Variants in PGGT1B observed in about 807,000 individuals in gnomAD.
PGGT1B encodes the protein protein geranylgeranyltransferase type I subunit beta.
A neutral mutation model predicts 46.1 loss-of-function variants in PGGT1B; 30 were observed. The ratio of observed to expected loss-of-function variants is 0.65; its 90% CI spans 0.49 to 0.88. PGGT1B has a LOEUF of 0.88. PGGT1B is among the 40% of genes least tolerant of loss of function. The pLI, the probability that PGGT1B is intolerant of heterozygous loss-of-function variation, is 0.00. For missense variants in PGGT1B, 376 were observed against 455.9 expected (o/e 0.82, Z 1.60); for synonymous variants, 170 against 160.0 (o/e 1.06, Z -0.47).
At chr5:115,243,356 C>T (rs1051305889) in intron 2 of PGGT1B, among the ~76,000 whole-genome samples, 6 of 152,196 alleles carry the variant, frequency 3.9e-5, no homozygotes, top group East Asian at 1.9e-4. Flanking sequence ...GAAAGAAACG[C>T]TATATTCCTA....
chr5:115,259,860 C>T (rs1748481086), intron 1 of PGGT1B, among the ~76,000 whole-genome samples: 1 of 152,024 alleles, frequency 6.6e-6, no homozygotes, highest in African/African-American at 2.4e-5. Context: ...AGCTAACTGC[C>T]TAAACCCTTC....
intron 6 of PGGT1B, among the ~76,000 whole-genome samples, chr5:115,226,823 G>T (rs1014551733): frequency 3.9e-5 from 6 of 151,966 alleles, no homozygotes; most frequent in Non-Finnish European, 7.4e-5. Context: ...GGGAAATTTT[G>T]CTCAGAACTA....
intron 1 of PGGT1B, among the ~76,000 whole-genome samples, chr5:115,257,500 AGCCTG>A (rs1163367267): frequency 2.8e-5 from 4 of 141,572 alleles, no homozygotes; most frequent in Non-Finnish European, 6.0e-5. Flanking sequence ...ATTGCACTCC[AGCCTG>A]GGCAACAATA....
chr5:115,217,764 A>C (rs1308276583), intron 7 of PGGT1B, among the ~76,000 whole-genome samples: 2 of 152,006 alleles, frequency 1.3e-5, no homozygotes, highest in Non-Finnish European at 2.9e-5. Context: ...TACAAACAGG[A>C]AACAAATTTA....
intron 2 of PGGT1B, among the ~76,000 whole-genome samples, chr5:115,245,455 T>A (rs762673710): frequency 1.2e-4 from 18 of 152,228 alleles, no homozygotes; most frequent in Admixed American, 2.6e-4. Context: ...TTCCTATCAA[T>A]GAGTTCTATA....
intron 2 of PGGT1B, among the ~76,000 whole-genome samples, chr5:115,251,216 G>A (rs1344171486): frequency 6.6e-6 from 1 of 152,106 alleles, no homozygotes; most frequent in Non-Finnish European, 1.5e-5. Context: ...TCCTTTAGCA[G>A]TGAATGAGAG....
intron 5 of PGGT1B, chr5:115,231,775 T>G (rs1756991705): frequency 6.6e-6 from 1 of 152,054 alleles, no homozygotes; most frequent in Admixed American, 6.6e-5. Flanking sequence ...TGCACAGTTC[T>G]CTTATGCACA....
chr5:115,243,844 T>C (rs986893173), intron 2 of PGGT1B, among the ~76,000 whole-genome samples: 5 of 152,150 alleles, frequency 3.3e-5, no homozygotes, highest in South Asian at 4.1e-4. Flanking sequence ...CTAGATCCTC[T>C]CTTGCCATTT....
At chr5:115,246,529 C>A (rs1747843139) in intron 2 of PGGT1B, among the ~76,000 whole-genome samples, 1 of 152,140 alleles carries the variant, frequency 6.6e-6, no homozygotes, top group Admixed American at 6.5e-5. Context: ...TCGCTGAATG[C>A]ATACTCTGGG....
At chr5:115,235,596 G>A (rs972995819) in intron 5 of PGGT1B, among the ~76,000 whole-genome samples, 2 of 152,148 alleles carry the variant, frequency 1.3e-5, no homozygotes, top group East Asian at 1.9e-4. Flanking sequence ...TATTACTTCT[G>A]TACTATTCAT....
chr5:115,210,286 C>T lies in PGGT1B; in HGVS notation c.*2116G>A, dbSNP rs1053728008. 6.6e-6 allele frequency: 1 copy of T among 152,020 alleles called. No individual in the cohort carries two copies. Among genetic ancestry groups the T allele is most frequent in the Admixed American group, 6.6e-5 (1 of 15,248 alleles). 9.4% of individuals were successfully genotyped at this position (152,020 alleles called of 1,614,324 possible). ...AGATTTCGGACTTCGTATTTTCCCTCATTACATCGCTCCTGTTAAGGAATA... is the reference window on the plus strand; with the variant it reads ...AGATTTCGGACTTCGTATTTTCCCTTATTACATCGCTCCTGTTAAGGAATA... On this transcript the variant is annotated 3_prime_UTR_variant, in exon 9 of 9. Transcript: ENST00000419445.
rs978265425 is a variant in PGGT1B, at chr5:115,206,999, C to T, written c.*5403G>A. ...TTTGATGTTGTCTATCTAAGAATATCATGTATCTTTCCATTTGGTGGAATC... is the reference window on the plus strand; with the variant it reads ...TTTGATGTTGTCTATCTAAGAATATTATGTATCTTTCCATTTGGTGGAATC... On this transcript the variant is annotated 3_prime_UTR_variant, in exon 9 of 9. Coordinates refer to ENST00000419445, the MANE Select transcript of PGGT1B (RefSeq NM_005023.4). 6.6e-6 allele frequency: 1 copy of T among 151,516 alleles called. No individual in the cohort carries two copies. The highest frequency in any genetic ancestry group is 1.5e-5 in the Non-Finnish European group (1 of 67,742). 9.4% of individuals were successfully genotyped at this position (151,516 alleles called of 1,614,324 possible).
chr5:115,238,291 ATT>A (rs35711954), intron 3 of PGGT1B, among the ~76,000 whole-genome samples: 14 of 46,964 alleles, frequency 3.0e-4, no homozygotes, highest in East Asian at 2.2e-3. Flanking sequence ...ATTTTTTTGG[ATT>A]TTTTTTTTTT....
intron 4 of PGGT1B, 41 bp from the exon 5 acceptor site, chr5:115,236,563 G>C: frequency 7.0e-7 from 1 of 1,421,178 alleles, no homozygotes; most frequent in South Asian, 1.6e-5. Context: ...ATTAACACTG[G>C]ACTCTGATTT....
chr5:115,227,759 T>C (rs1176166267), intron 6 of PGGT1B, among the ~76,000 whole-genome samples: 1 of 152,178 alleles, frequency 6.6e-6, no homozygotes, highest in East Asian at 1.9e-4. Flanking sequence ...TTAATACTCA[T>C]AGTGGTTTTA....
At chr5:115,214,440 T>C (rs1198060985) in intron 8 of PGGT1B, among the ~76,000 whole-genome samples, 1 of 152,214 alleles carries the variant, frequency 6.6e-6, no homozygotes, top group Non-Finnish European at 1.5e-5. Flanking sequence ...TTGAAGTTTC[T>C]TTCATAAATG....
chr5:115,260,261 C>G (rs570474036), intron 1 of PGGT1B, among the ~76,000 whole-genome samples: 23 of 152,194 alleles, frequency 1.5e-4, no homozygotes, highest in Non-Finnish European at 2.5e-4. Context: ...AAATAAGTGT[C>G]TAAATATCCA....
intron 6 of PGGT1B, among the ~76,000 whole-genome samples, chr5:115,223,672 G>A (rs1045247099): frequency 2.0e-5 from 3 of 152,106 alleles, no homozygotes; most frequent in Non-Finnish European, 4.4e-5. Flanking sequence ...ATAAATTTGT[G>A]CTGCTTTACA....
chr5:115,236,617 C>T, intron 4 of PGGT1B, 95 bp from the exon 5 acceptor site: 1 of 662,892 alleles, frequency 1.5e-6, no homozygotes. Flanking sequence ...TCTTTACTAA[C>T]AGAAAAATCT....
Sources: gnomAD v4.1 joint callset for allele counts (sites outside exome capture counted in the v4.1 genomes callset) on GRCh38, gnomAD v4.1.1 for gene constraint, MANE v1.5 for transcripts, NCBI Gene and HGNC (gene_info 2026-07-23, HGNC 2026-07-21) for gene names.